The following LRP2 variants were observed in gnomAD, a reference collection of about 807,000 sequenced individuals.
The protein encoded by LRP2 is low-density lipoprotein receptor-related protein 2.
A neutral mutation model predicts 531.0 loss-of-function variants in LRP2; 172 were observed. That is an observed-to-expected ratio of 0.32 (90% CI 0.29 to 0.37). The LOEUF is 0.37. Among genes scored for constraint, LRP2 ranks in the 10% least tolerant of loss-of-function variants. The pLI is 1.00. For synonymous variants in LRP2, 1,992 were observed against 2,027.6 expected (o/e 0.98, Z 0.47); for missense variants, 5,167 against 5,868.3 (o/e 0.88, Z 3.90).
intron 19 of LRP2, among the ~76,000 whole-genome samples, chr2:169,254,325 G>C (rs1188324523): frequency 1.2e-5 from 1 of 83,394 alleles, no homozygotes; most frequent in Non-Finnish European, 2.2e-5. Flanking sequence ...AAAAAATGAT[G>C]AGTTCATATC....
rs1683639406 is a variant in LRP2 at position 169,279,393 on chromosome 2, A to G, written c.1544T>C (p.Ile515Thr). The change falls in exon 12 of 79, where the codon ATT becomes ACT. Residue 515 changes from isoleucine (I) to threonine (T), a missense_variant. Physicochemically the swap from Ile to Thr is moderately conservative, Grantham distance 89 (BLOSUM62 -1). Around this residue, in one of 6 missense-constraint regions of LRP2, gnomAD observed 2,811 missense variants for 3,058.0 expected, o/e 0.92. Coordinates refer to ENST00000649046, the MANE Select transcript of LRP2 (RefSeq NM_004525.3). The stretch of plus-strand genomic sequence containing the variant: ...TTACCCAACAGTTGGGTCCACGGCA[A>G]TTCCTCTAGGATGCCCCAAGTTTTC... Reference protein sequence around the residue: ...ITENLGHPRGIAVDPTVGYLF... With the variant: ...ITENLGHPRGTAVDPTVGYLF... The G allele has an allele frequency of 6.2e-7, 1 of 1,613,792 alleles. No individual in the cohort carries two copies. The highest frequency in any genetic ancestry group is 8.5e-7 in the Non-Finnish European group (1 of 1,179,866).
intron 16 of LRP2, among the ~76,000 whole-genome samples, chr2:169,265,514 T>C (rs1250569727): frequency 3.3e-5 from 5 of 152,096 alleles, no homozygotes; most frequent in Admixed American, 6.6e-5. Flanking sequence ...GGAAGATTAA[T>C]TTTTAATGTC....
At chr2:169,339,301 T>C (rs1685501409) in intron 1 of LRP2, among the ~76,000 whole-genome samples, 1 of 152,182 alleles carries the variant, frequency 6.6e-6, no homozygotes. Context: ...TTATTACTTC[T>C]CTTCCCAACT....
chr2:169,186,035 A>G lies in LRP2; in HGVS notation c.9329-16T>C. The G allele has an allele frequency of 6.2e-7, 1 of 1,611,260 alleles. No homozygotes were observed. The highest frequency in any genetic ancestry group is 8.5e-7 in the Non-Finnish European group (1 of 1,179,450). The stretch of plus-strand genomic sequence containing the variant: ...TCATTAATGCCTGTAGGTAAAAAGC[A>G]GTTCTTAGAGATCCTAAAATATCAA... On this transcript the variant is annotated splice_polypyrimidine_tract_variant and intron_variant, in intron 49 of 78. Coordinates refer to ENST00000649046, the MANE Select transcript of LRP2 (RefSeq NM_004525.3).
At chr2:169,326,829 G>A (rs1461158622) in intron 1 of LRP2, among the ~76,000 whole-genome samples, 9 of 149,696 alleles carry the variant, frequency 6.0e-5, no homozygotes, top group Admixed American at 1.3e-4. Flanking sequence ...CTGCCCGGCC[G>A]CCCATCGTCT....
chr2:169,264,836 C>T (rs1013910694), intron 16 of LRP2, among the ~76,000 whole-genome samples: 1 of 151,978 alleles, frequency 6.6e-6, no homozygotes, highest in Non-Finnish European at 1.5e-5. Context: ...GAGTGTCACG[C>T]CACTCCTCTA....
chr2:169,217,584 T>C (rs529457960), intron 34 of LRP2, among the ~76,000 whole-genome samples: 2 of 152,086 alleles, frequency 1.3e-5, no homozygotes, highest in East Asian at 1.9e-4. Context: ...GTTTCTGCCC[T>C]TTTTTTTCTT....
intron 50 of LRP2, among the ~76,000 whole-genome samples, chr2:169,184,482 A>G (rs1204992124): frequency 6.6e-6 from 1 of 152,180 alleles, no homozygotes; most frequent in Non-Finnish European, 1.5e-5. Context: ...TGCAACAAGA[A>G]TCTTTACAGC....
chr2:169,241,523 C>T (rs1689805659), intron 24 of LRP2, among the ~76,000 whole-genome samples, 158 bp from the exon 25 acceptor site: 1 of 152,098 alleles, frequency 6.6e-6, no homozygotes, highest in African/African-American at 2.4e-5. Flanking sequence ...GAGTCTTCTC[C>T]CACACTCTAG....
chr2:169,231,568 C>T, intron 31 of LRP2, 146 bp downstream of exon 31: 1 of 959,194 alleles, frequency 1.0e-6, no homozygotes, highest in East Asian at 2.5e-5. Context: ...TGACATCACC[C>T]CATACAACAC....
rs751797779 is a variant in LRP2, at chr2:169,241,073, A to T, written c.3960T>A (p.Leu1320=). 1.9e-6 allele frequency: 3 copies of T among 1,614,148 alleles called. No individual in the cohort carries two copies. In the South Asian group the frequency reaches 3.3e-5, roughly 18 times the overall value. The change falls in exon 25 of 79, where the codon CTT becomes CTA. Residue 1320 remains leucine, a synonymous_variant. Coordinates refer to ENST00000649046, the MANE Select transcript of LRP2 (RefSeq NM_004525.3). The part of the protein sequence containing the change: ...FRCPSWQWQC[L]GHNICVNLSV... The stretch of plus-strand genomic sequence containing the variant: ...TCAGATTCACACAGATGTTATGGCC[A>T]AGACACTGCCATTGCCAACTAGGAC...
intron 69 of LRP2, among the ~76,000 whole-genome samples, chr2:169,146,225 T>C (rs1685905101): frequency 6.6e-6 from 1 of 152,218 alleles, no homozygotes; most frequent in African/African-American, 2.4e-5. Flanking sequence ...ACAATTTAAA[T>C]GGCAAGATTT....
At chr2:169,173,288 C>T (rs775368096) in intron 56 of LRP2, 64 bp from the exon 57 acceptor site, 7 of 1,602,426 alleles carry the variant, frequency 4.4e-6, no homozygotes, top group Non-Finnish European at 4.3e-6. Flanking sequence ...TCCATTGTCA[C>T]ATTGAGGTTG....
chr2:169,312,423 G>T (rs1283110852), intron 3 of LRP2, among the ~76,000 whole-genome samples: 2 of 152,132 alleles, frequency 1.3e-5, no homozygotes, highest in Admixed American at 1.3e-4. Flanking sequence ...CTCAGCATTT[G>T]CTTGTCTGTA....
intron 19 of LRP2, among the ~76,000 whole-genome samples, chr2:169,247,825 T>G (rs1463171478): frequency 6.6e-6 from 1 of 152,162 alleles, no homozygotes; most frequent in Non-Finnish European, 1.5e-5. Context: ...TGGGGAATTC[T>G]TCTACAGAGC....
chr2:169,267,404 T>C (rs71430664), intron 16 of LRP2, among the ~76,000 whole-genome samples: 6,078 of 152,124 alleles, frequency 0.04, 125 homozygotes, highest in Non-Finnish European at 0.042. Context: ...TAACAAACTG[T>C]CTCTCAGACC....
At chr2:169,217,270 T>C (rs145654495) in intron 34 of LRP2, among the ~76,000 whole-genome samples, 147 of 152,246 alleles carry the variant, frequency 9.7e-4, no homozygotes, top group African/African-American at 3.2e-3. Flanking sequence ...TTCATTTAAA[T>C]AGTCTTTATT....
At chr2:169,160,685 A>AAAAAAAAAAAAAAAAACAAAAAAC (rs970862922) in intron 63 of LRP2, among the ~76,000 whole-genome samples, 3 of 94,234 alleles carry the variant, frequency 3.2e-5, no homozygotes, top group African/African-American at 1.4e-4. Context: ...ATTTCCTTAA[A>AAAAAAAAAAAAAAAAACAAAAAAC]AAAAAAAAAA....
chr2:169,309,357 G>A (rs1288873371), intron 3 of LRP2, among the ~76,000 whole-genome samples: 1 of 152,164 alleles, frequency 6.6e-6, no homozygotes, highest in Non-Finnish European at 1.5e-5. Context: ...ATGGTTTTAG[G>A]TCTGACATTT....
Sources: gnomAD v4.1 joint callset for allele counts (sites outside exome capture counted in the v4.1 genomes callset) on GRCh38, gnomAD v4.1.1 for gene constraint, gnomAD v4.1.1 regional missense constraint, MANE v1.5 for transcripts, NCBI Gene and HGNC (gene_info 2026-07-23, HGNC 2026-07-21) for gene names.